The following MMP26 variants were observed in gnomAD, a reference collection of about 807,000 sequenced individuals.
MMP26 encodes matrix metalloproteinase-26.
In MMP26, 33 loss-of-function variants were observed where a neutral mutation model predicts 31.0. The ratio of observed to expected loss-of-function variants is 1.06; its 90% CI spans 0.81 to 1.42. The LOEUF is 1.42. Among genes scored for constraint, MMP26 ranks in the 40% most tolerant of loss-of-function variants. The probability of loss-of-function intolerance (pLI) is 0.00; values close to 1 mark genes in which losing one functional copy is unlikely to be tolerated. For synonymous variants in MMP26, 122 were observed against 114.9 expected (o/e 1.06, Z -0.40); for missense variants, 347 against 316.1 (o/e 1.10, Z -0.74).
At chr11:4,838,175 G>A (rs1389942186) in intron 2 of MMP26, among the ~76,000 whole-genome samples, 3 of 150,454 alleles carry the variant, frequency 2.0e-5, no homozygotes, top group Admixed American at 6.6e-5. Flanking sequence ...AAAATTAGCC[G>A]GGCGTGGTGG....
chr11:4,732,452 A>G (rs921212067), intron 1 of MMP26, among the ~76,000 whole-genome samples: 7 of 151,606 alleles, frequency 4.6e-5, no homozygotes, highest in African/African-American at 1.5e-4. Context: ...AAATGTAAAA[A>G]TTAATGATGT....
chr11:4,790,724 A>G (rs1050705166), intron 2 of MMP26, among the ~76,000 whole-genome samples: 3 of 152,282 alleles, frequency 2.0e-5, no homozygotes, highest in South Asian at 2.1e-4. Flanking sequence ...AATGATCAAT[A>G]CACATGTTGC....
chr11:4,919,890 C>A (rs546395288), intron 2 of MMP26, among the ~76,000 whole-genome samples: 24 of 152,266 alleles, frequency 1.6e-4, no homozygotes, highest in African/African-American at 5.8e-4. Flanking sequence ...TTCATCTCCT[C>A]TTCCTGTCTC....
Position 4,791,060 on chromosome 11 carries a change from C to T in MMP26, c.-145+23719C>T, listed in dbSNP as rs1012608549. On this transcript the variant is annotated intron_variant, in intron 2 of 7. Coordinates refer to ENST00000380390, the MANE Select transcript of MMP26 (RefSeq NM_021801.5). ...TTGTATCGGTTATTCTCAATTGTCT[C>T]ATCAATCAATAATCATTTCTTGAGC... Among the ~76,000 whole-genome samples, 5 of 152,156 alleles carry T rather than the reference C, an allele frequency of 3.3e-5. 1 individual carries two copies. The highest frequency in any genetic ancestry group is 2.0e-4 in the Admixed American group (3 of 15,276).
In MMP26 at chr11:4,986,047, CT is replaced by C. The variant is rs942881504; in HGVS notation, c.-144-2020del. Among the ~76,000 whole-genome samples, 5 of 151,202 alleles carry C rather than the reference CT, an allele frequency of 3.3e-5. 1 individual carries two copies. Among genetic ancestry groups the C allele is most frequent in the African/African-American group, 1.2e-4 (5 of 40,522 alleles). The stretch of plus-strand genomic sequence containing the variant: ...CCTGCTGCTGTTGAGTAGTAACCAT[CT>C]ATCTATCTCTCATCTATCTGTTGAC... On this transcript the variant is annotated intron_variant, in intron 2 of 7. Coordinates refer to ENST00000380390, the MANE Select transcript of MMP26 (RefSeq NM_021801.5).
intron 1 of MMP26, among the ~76,000 whole-genome samples, chr11:4,753,438 C>T (rs1371145530): frequency 2.0e-5 from 3 of 152,030 alleles, no homozygotes; most frequent in Non-Finnish European, 4.4e-5. Context: ...CTCTCTTGTA[C>T]TCTCATCATT....
At chr11:4,752,450 G>A (rs1002378359) in intron 1 of MMP26, 2 of 152,640 alleles carry the variant, frequency 1.3e-5, no homozygotes, top group African/African-American at 4.8e-5. Flanking sequence ...AACAGTAGGA[G>A]TGGCAGAGCA....
chr11:4,739,022 A>G (rs185161062), intron 1 of MMP26, among the ~76,000 whole-genome samples: 1 of 152,240 alleles, frequency 6.6e-6, no homozygotes, highest in Admixed American at 6.5e-5. Context: ...ATCTGTTGTC[A>G]CTATAGCTGA....
At chr11:4,775,747 T>TGA (rs35696328) in intron 2 of MMP26, among the ~76,000 whole-genome samples, 3,518 of 139,748 alleles carry the variant, frequency 0.025, 115 homozygotes, top group African/African-American at 0.079. Flanking sequence ...AGGAAGTGAG[T>TGA]GAGAGAGAGA....
At chr11:4,848,649 C>A (rs1849919526) in intron 2 of MMP26, 1 of 1,613,190 alleles carries the variant, frequency 6.2e-7, no homozygotes, top group Non-Finnish European at 8.5e-7. Flanking sequence ...TGGATGCAAG[C>A]AATAAGAATG....
At chr11:4,716,650 C>CTTTTTTTTTTTTTTTTTTTTTTTTT (rs71050424) in intron 1 of MMP26, among the ~76,000 whole-genome samples, 1 of 65,004 alleles carries the variant, frequency 1.5e-5, no homozygotes, top group Non-Finnish European at 2.6e-5. Flanking sequence ...TCTCTTACCT[C>CTTTTTTTTTTTTTTTTTTTTTTTTT]TTTTTTTTTT....
chr11:4,890,987 A>G (rs1850611194), intron 2 of MMP26, among the ~76,000 whole-genome samples: 1 of 138,282 alleles, frequency 7.2e-6, no homozygotes, highest in Non-Finnish European at 1.5e-5. Flanking sequence ...CAGAATAATA[A>G]TAATAATAAT....
At chr11:4,764,717 C>CA (rs1163652651) in intron 1 of MMP26, among the ~76,000 whole-genome samples, 1 of 152,038 alleles carries the variant, frequency 6.6e-6, no homozygotes, top group Non-Finnish European at 1.5e-5. Context: ...ACTAAAAATA[C>CA]AAAAAATTAG....
intron 2 of MMP26, among the ~76,000 whole-genome samples, chr11:4,930,665 T>C (rs1334582776): frequency 6.6e-6 from 1 of 152,084 alleles, no homozygotes; most frequent in African/African-American, 2.4e-5. Flanking sequence ...CCCCAAAATT[T>C]AGATTTAATA....
chr11:4,946,032 G>T, intron 2 of MMP26: 2 of 857,056 alleles, frequency 2.3e-6, no homozygotes, highest in Non-Finnish European at 3.6e-6. Context: ...TATCCAGAGT[G>T]AATAAAATAA....
intron 1 of MMP26, chr11:4,712,277 T>A (rs1018765183): frequency 2.6e-5 from 4 of 152,206 alleles, no homozygotes; most frequent in African/African-American, 9.6e-5. Context: ...TAAATCTGAC[T>A]AAACATATCT....
In MMP26 at chr11:4,773,975, C is replaced by A. The variant is rs561382148; in HGVS notation, c.-145+6634C>A. On this transcript the variant is annotated intron_variant, in intron 2 of 7. Coordinates refer to ENST00000380390, the MANE Select transcript of MMP26 (RefSeq NM_021801.5). ...CCCTGAAAAGAACATGATCTCATTC[C>A]TTTTTATAACTGCATAGTACTCCAT... Among the ~76,000 whole-genome samples the A allele has an allele frequency of 7.9e-5, 12 of 152,218 alleles. No homozygotes were observed. In the East Asian group the frequency reaches 2.1e-3, roughly 27 times the overall value.
Position 4,988,209 on chromosome 11 carries a change from G to C in MMP26, c.-3G>C, listed in dbSNP as rs766049009. The C allele has an allele frequency of 1.2e-6, 2 of 1,613,912 alleles. No individual in the cohort carries two copies. Among genetic ancestry groups the C allele is most frequent in the East Asian group, 4.5e-5 (2 of 44,856 alleles). ...CAAGCAGTGGGACAAATGAGGGTTT[G>C]GCATGCAGCTCGTCATCTTAAGAGT... On this transcript the variant is annotated 5_prime_UTR_variant, in exon 3 of 8. Transcript: ENST00000380390.
intron 2 of MMP26, among the ~76,000 whole-genome samples, chr11:4,903,556 T>A (rs1850834549): frequency 6.6e-6 from 1 of 152,102 alleles, no homozygotes; most frequent in Admixed American, 6.5e-5. Flanking sequence ...CTTCAAATGT[T>A]TACCTTTCAG....
Sources: allele counts gnomAD v4.1 joint callset (sites outside exome capture counted in the v4.1 genomes callset), GRCh38; gene constraint gnomAD v4.1.1; transcripts MANE v1.5; gene names NCBI Gene and HGNC (gene_info 2026-07-23, HGNC 2026-07-21).